The following PJA2 variants were observed in gnomAD, a reference collection of about 807,000 sequenced individuals.
PJA2 encodes the protein praja ring finger ubiquitin ligase 2.
PJA2 carries 25 observed loss-of-function variants against 69.3 expected under a neutral mutation model. The ratio of observed to expected loss-of-function variants is 0.36; its 90% CI spans 0.26 to 0.50. The LOEUF (loss-of-function observed/expected upper bound fraction) is 0.50. PJA2 is among the 20% of genes least tolerant of loss of function. PJA2 has a pLI of 0.96. For synonymous variants in PJA2, 308 were observed against 277.8 expected, an observed-to-expected ratio of 1.11 and a Z score of -1.08; for missense variants, 809 against 830.2, an observed-to-expected ratio of 0.97 and a Z score of 0.31.
At chr5:109,347,502 C>T (rs1051756579) in intron 7 of PJA2, among the ~76,000 whole-genome samples, 4 of 152,210 alleles carry the variant, frequency 2.6e-5, no homozygotes, top group Non-Finnish European at 5.9e-5. Flanking sequence ...CTGGTAATTA[C>T]AGGACAAGGT....
In PJA2 at chr5:109,368,597, G is replaced by C; in HGVS notation, c.1433C>G (p.Pro478Arg). 1 of 1,613,756 alleles carries C rather than the reference G, an allele frequency of 6.2e-7. No individual in the cohort carries two copies. The highest frequency in any genetic ancestry group is 8.5e-7 in the Non-Finnish European group (1 of 1,179,874). ...AGATAATTCTTGGTTTTCTTCTTCA[G>C]GGCCACTGCTATCACTTTGTAGCTC... ...EPELQSDSSG[P>R]EEENQELSLQ... The change falls in exon 5 of 10, where the codon CCT (proline) becomes CGT (arginine). Residue 478 changes from proline to arginine, a missense_variant. Pro to Arg is a moderately radical substitution (Grantham distance 103, BLOSUM62 -2). Transcript: ENST00000361189.
chr5:109,381,778 T>C, intron 2 of PJA2, 75 bp from the exon 3 acceptor site: 1 of 1,209,570 alleles, frequency 8.3e-7, no homozygotes, highest in South Asian at 1.3e-5. Context: ...GGAAAACTAC[T>C]TCAGTTTATA....
chr5:109,380,213 C>T (rs1430580401), intron 3 of PJA2, among the ~76,000 whole-genome samples: 1 of 151,180 alleles, frequency 6.6e-6, no homozygotes, highest in Non-Finnish European at 1.5e-5. Context: ...CCTGCCTCAG[C>T]CTCCCAAGTA....
In PJA2 at chr5:109,403,043, A is replaced by G. The variant is rs1428222427; in HGVS notation, c.-88+6799T>C. Among the ~76,000 whole-genome samples, 4 of 152,072 alleles carry G rather than the reference A, an allele frequency of 2.6e-5. No individual in the cohort carries two copies. The East Asian group carries it at 7.7e-4, about 29-fold the overall frequency. On this transcript the variant is annotated intron_variant, in intron 1 of 9. Transcript: ENST00000361189. ...AAAGAAATAGTAAGAAGCAGAAATC[A>G]ATAAAACTAACAATTAAAAAAAAAG...
At chr5:109,360,617 T>C (rs187695643) in intron 6 of PJA2, among the ~76,000 whole-genome samples, 16 of 152,186 alleles carry the variant, frequency 1.1e-4, no homozygotes, top group African/African-American at 3.9e-4. Flanking sequence ...TAGTACCACA[T>C]AAGCAAATAA....
At chr5:109,408,650 A>C (rs757916323) in intron 1 of PJA2, among the ~76,000 whole-genome samples, 5 of 152,244 alleles carry the variant, frequency 3.3e-5, no homozygotes, top group Non-Finnish European at 7.3e-5. Context: ...GGGGATGAAA[A>C]GAAATATTTA....
At chr5:109,342,649 G>A (rs1291692552) in intron 9 of PJA2, among the ~76,000 whole-genome samples, 2 of 118,718 alleles carry the variant, frequency 1.7e-5, no homozygotes, top group African/African-American at 7.2e-5. Context: ...CCGGGAGGGA[G>A]GTGGGGGTGT....
chr5:109,350,141 A>T (rs1762226466), intron 7 of PJA2, among the ~76,000 whole-genome samples: 1 of 152,212 alleles, frequency 6.6e-6, no homozygotes, highest in South Asian at 2.1e-4. Context: ...GCATATTTGC[A>T]GTGCTAGTAA....
At chr5:109,393,204 G>T (rs1747320544) in intron 1 of PJA2, among the ~76,000 whole-genome samples, 1 of 152,006 alleles carries the variant, frequency 6.6e-6, no homozygotes, top group South Asian at 2.1e-4. Context: ...CTCCAGAAAA[G>T]GTTACCCAAA....
chr5:109,354,598 C>A (rs182855530), intron 7 of PJA2, among the ~76,000 whole-genome samples: 1 of 127,096 alleles, frequency 7.9e-6, no homozygotes, highest in Non-Finnish European at 1.7e-5. Context: ...ATCGATATTA[C>A]ATATCGATAT....
At chr5:109,339,575 T>C (rs1291473627) in intron 9 of PJA2, among the ~76,000 whole-genome samples, 1 of 152,212 alleles carries the variant, frequency 6.6e-6, no homozygotes, top group East Asian at 1.9e-4. Flanking sequence ...GGAATGGACC[T>C]CACAGACTCA....
At chr5:109,344,051 C>G (rs917168075) in intron 9 of PJA2, 139 bp downstream of exon 9, 10 of 537,150 alleles carry the variant, frequency 1.9e-5, no homozygotes, top group Admixed American at 4.3e-5. Flanking sequence ...GAGCCGAGAT[C>G]GAACCACTGC....
chr5:109,353,955 G>A (rs866639166), intron 7 of PJA2, among the ~76,000 whole-genome samples: 57 of 106,138 alleles, frequency 5.4e-4, no homozygotes, highest in South Asian at 1.0e-3. Flanking sequence ...TAGATTAGAT[G>A]TCTATGATAT....
chr5:109,359,582 T>C (rs1406887443), intron 6 of PJA2, among the ~76,000 whole-genome samples: 2 of 152,182 alleles, frequency 1.3e-5, no homozygotes, highest in Non-Finnish European at 2.9e-5. Flanking sequence ...AATCTATTCA[T>C]GACAGACAAA....
intron 9 of PJA2, among the ~76,000 whole-genome samples, chr5:109,339,192 C>T (rs921795706): frequency 8.5e-5 from 13 of 152,194 alleles, no homozygotes; most frequent in African/African-American, 3.1e-4. Context: ...CTGGAGGTCC[C>T]TCTCTTTCTT....
intron 1 of PJA2, among the ~76,000 whole-genome samples, chr5:109,406,527 T>C (rs935470678): frequency 1.3e-5 from 2 of 152,154 alleles, no homozygotes; most frequent in South Asian, 2.1e-4. Context: ...AATAACCAAG[T>C]GCTGAGGATG....
In PJA2 at chr5:109,378,532, T is replaced by C. The variant is rs1401699488; in HGVS notation, c.955A>G (p.Arg319Gly). 6.2e-7 allele frequency: 1 copy of C among 1,614,094 alleles called. No individual in the cohort carries two copies. The highest frequency in any genetic ancestry group is 8.5e-7 in the Non-Finnish European group (1 of 1,180,032). ...SPEQVVRPKV[R>G]KLISSSQVDQ... ...ACCTGGCTTGAACTTATCAGTTTTC[T>C]AACTTTTGGCCTCACTACCTGTTCA... Residue 319 changes from arginine to glycine, a missense_variant, in exon 4 of 10, where the codon AGA becomes GGA. Arg to Gly is a moderately radical substitution (Grantham distance 125). This residue lies in a region of PJA2 where 700 missense variants were observed against 639.5 expected (regional missense o/e 1.09). Transcript: ENST00000361189.
intron 6 of PJA2, among the ~76,000 whole-genome samples, chr5:109,358,790 C>T (rs551175428): frequency 1.3e-5 from 2 of 152,214 alleles, no homozygotes; most frequent in Admixed American, 6.5e-5. Flanking sequence ...CACTGCACTC[C>T]AGCCAGGGTG....
In PJA2 at chr5:109,335,378, TAAC is replaced by T. The variant is rs1158961487; in HGVS notation, c.*1850_*1852del. 1 of 152,622 alleles carries T rather than the reference TAAC, an allele frequency of 6.6e-6. No homozygotes were observed. Among genetic ancestry groups the T allele is most frequent in the African/African-American group, 2.4e-5 (1 of 41,452 alleles). 9.5% of individuals were successfully genotyped at this position (152,622 alleles called of 1,614,324 possible). A position where few individuals can be genotyped will look rare whatever the true frequency, so the allele number is the denominator to read the frequency against. Reference sequence around the variant, plus strand: ...GGTTGAGTTTGGAACCAAAACCTCTTAACAACTGGCAGATAATAGCTAAATCTT... The same window carrying T: ...GGTTGAGTTTGGAACCAAAACCTCTTAACTGGCAGATAATAGCTAAATCTT... On this transcript the variant is annotated 3_prime_UTR_variant, in exon 10 of 10. Transcript: ENST00000361189.
Sources: gnomAD v4.1 joint callset for allele counts (sites outside exome capture counted in the v4.1 genomes callset) on GRCh38, gnomAD v4.1.1 for gene constraint, gnomAD v4.1.1 regional missense constraint, MANE v1.5 for transcripts, NCBI Gene and HGNC (gene_info 2026-07-23, HGNC 2026-07-21) for gene names.